The following RTF2 variants were observed in gnomAD, a reference collection of about 807,000 sequenced individuals.
The protein encoded by RTF2 is replication termination factor 2, also known as UPF0549 protein C20orf43.
In RTF2, 18 loss-of-function variants were observed where a neutral mutation model predicts 38.0. The observed-to-expected ratio is 0.47, with a 90% CI of 0.33 to 0.70. The LOEUF (loss-of-function observed/expected upper bound fraction) is 0.70, where lower values mean the gene tolerates loss of function less well. Ranked by LOEUF, RTF2 falls within the 30% of genes least tolerant of loss-of-function variation. The pLI, the probability that RTF2 is intolerant of heterozygous loss-of-function variation, is 0.02. For missense variants in RTF2, 311 were observed against 379.6 expected (o/e 0.82, Z 1.50); for synonymous variants, 126 against 137.1 (o/e 0.92, Z 0.57).
At chr20:56,500,077 G>A (rs1983829501) in intron 5 of RTF2, among the ~76,000 whole-genome samples, 1 of 151,288 alleles carries the variant, frequency 6.6e-6, no homozygotes, top group Non-Finnish European at 1.5e-5. Flanking sequence ...TTTTTTAGGA[G>A]GAGTTTCGCT....
chr20:56,517,200 A>T lies in RTF2; in HGVS notation c.741A>T (p.Thr247=), dbSNP rs1409720000. Residue 247 remains threonine, a splice_region_variant and synonymous_variant, in exon 8 of 9, where the codon ACA becomes ACT. Transcript: ENST00000357348. ...EKKTNLAPKS[T]AMNESSSGKA... The stretch of plus-strand genomic sequence containing the variant: ...AAACCAACTTGGCTCCCAAAAGCAC[A>T]GGTGGGTCCTGTTGTAGCTACAGGG... 1 of 1,613,390 alleles carries T rather than the reference A, an allele frequency of 6.2e-7. No individual in the cohort carries two copies.
chr20:56,498,066 A>G (rs1199705583), intron 5 of RTF2, among the ~76,000 whole-genome samples: 1 of 151,686 alleles, frequency 6.6e-6, no homozygotes, highest in Non-Finnish European at 1.5e-5. Context: ...GCATTTCCCT[A>G]ATGACTAATG....
At chr20:56,512,140 C>A (rs1306355606) in intron 5 of RTF2, among the ~76,000 whole-genome samples, 1 of 152,168 alleles carries the variant, frequency 6.6e-6, no homozygotes, top group Non-Finnish European at 1.5e-5. Context: ...AGCCACCGCG[C>A]CCAGTCTTAG....
intron 5 of RTF2, among the ~76,000 whole-genome samples, chr20:56,485,994 C>G (rs1399466012): frequency 6.6e-6 from 1 of 152,100 alleles, no homozygotes; most frequent in Non-Finnish European, 1.5e-5. Flanking sequence ...TGTTCTGGGC[C>G]TCAAAGGAAG....
chr20:56,505,755 C>T (rs1984225082), intron 5 of RTF2, among the ~76,000 whole-genome samples: 1 of 152,076 alleles, frequency 6.6e-6, no homozygotes, highest in African/African-American at 2.4e-5. Flanking sequence ...AAGAAGCAAA[C>T]ATACTAGACG....
intron 2 of RTF2, among the ~76,000 whole-genome samples, chr20:56,473,731 A>G (rs1982088754): frequency 6.6e-6 from 1 of 152,110 alleles, no homozygotes; most frequent in African/African-American, 2.4e-5. Context: ...AAAAAAATTA[A>G]ATTAGCCAGG....
intron 5 of RTF2, among the ~76,000 whole-genome samples, chr20:56,498,909 C>G (rs1013923236): frequency 6.6e-6 from 1 of 152,200 alleles, no homozygotes; most frequent in Admixed American, 6.6e-5. Context: ...TTTACAAATG[C>G]TGTTTGGATA....
intron 6 of RTF2, 89 bp from the exon 7 acceptor site, chr20:56,516,846 A>G (rs1985071830): frequency 1.6e-6 from 2 of 1,214,478 alleles, no homozygotes; most frequent in Non-Finnish European, 2.4e-6. Context: ...GGTCAGTCAG[A>G]CAGGGCACCC....
intron 1 of RTF2, chr20:56,471,712 A>G (rs1232863074): frequency 1.3e-5 from 2 of 152,272 alleles, no homozygotes; most frequent in Admixed American, 1.3e-4. Flanking sequence ...AACAATTTTC[A>G]AAGCCCTGGA....
intron 4 of RTF2, among the ~76,000 whole-genome samples, chr20:56,482,914 G>A (rs1982597056): frequency 6.6e-6 from 1 of 152,176 alleles, no homozygotes; most frequent in South Asian, 2.1e-4. Flanking sequence ...CCACGCCTCT[G>A]CATATAGACG....
chr20:56,474,889 C>T, intron 3 of RTF2, 118 bp downstream of exon 3: 1 of 597,860 alleles, frequency 1.7e-6, no homozygotes. Context: ...TCCCACATGG[C>T]CATCTAATAC....
chr20:56,496,531 G>A (rs1568701863), intron 5 of RTF2: 19 of 1,224,722 alleles, frequency 1.6e-5, no homozygotes, highest in South Asian at 5.0e-5. Flanking sequence ...CTCGGTGACC[G>A]TGTGAGACTC....
At chr20:56,482,676 T>C (rs1305408528) in intron 4 of RTF2, among the ~76,000 whole-genome samples, 1 of 152,250 alleles carries the variant, frequency 6.6e-6, no homozygotes, top group African/African-American at 2.4e-5. Flanking sequence ...TAAACAACAT[T>C]CAGTGAATTT....
At chr20:56,468,848 G>A in intron 1 of RTF2, 82 bp downstream of exon 1, 1 of 1,164,132 alleles carries the variant, frequency 8.6e-7, no homozygotes, top group Non-Finnish European at 1.2e-6. Flanking sequence ...GTAAGAAGGG[G>A]GAGCCAGCGG....
chr20:56,511,800 C>T (rs1984686539), intron 5 of RTF2, among the ~76,000 whole-genome samples: 1 of 152,112 alleles, frequency 6.6e-6, no homozygotes, highest in Non-Finnish European at 1.5e-5. Flanking sequence ...GCGTTAGACC[C>T]CAAGTGGTTA....
At chr20:56,485,655 T>C (rs932574679) in intron 5 of RTF2, among the ~76,000 whole-genome samples, 1 of 152,146 alleles carries the variant, frequency 6.6e-6, no homozygotes, top group African/African-American at 2.4e-5. Context: ...CTTCATAGAA[T>C]GAGGAGTCTG....
chr20:56,477,579 C>G (rs1982320789), intron 4 of RTF2, among the ~76,000 whole-genome samples: 1 of 152,038 alleles, frequency 6.6e-6, no homozygotes, highest in African/African-American at 2.4e-5. Flanking sequence ...AATAAGGTCT[C>G]ACTTTGTTGC....
At chr20:56,479,046 T>G (rs191502050) in intron 4 of RTF2, among the ~76,000 whole-genome samples, 2 of 152,270 alleles carry the variant, frequency 1.3e-5, no homozygotes, top group African/African-American at 4.8e-5. Context: ...AATTCAGTCA[T>G]CTTCAGGCTC....
chr20:56,481,607 T>A (rs1982528141), intron 4 of RTF2, among the ~76,000 whole-genome samples: 1 of 151,766 alleles, frequency 6.6e-6, no homozygotes, highest in Non-Finnish European at 1.5e-5. Flanking sequence ...GTGTGTGTGT[T>A]TGCATATATA....
Sources: allele counts gnomAD v4.1 joint callset (sites outside exome capture counted in the v4.1 genomes callset), GRCh38; gene constraint gnomAD v4.1.1; transcripts MANE v1.5; gene names NCBI Gene and HGNC (gene_info 2026-07-23, HGNC 2026-07-21).